LRRTM3: variants seen among roughly 807,000 people sequenced by gnomAD.
The protein encoded by LRRTM3 is leucine rich repeat transmembrane neuronal 3.
A neutral mutation model predicts 44.7 loss-of-function variants in LRRTM3; 24 were observed. That is an observed-to-expected ratio of 0.54 (90% CI 0.39 to 0.76). The LOEUF (loss-of-function observed/expected upper bound fraction) is 0.76, where lower values mean the gene tolerates loss of function less well. Ranked by LOEUF, LRRTM3 falls within the 30% of genes least tolerant of loss-of-function variation. The pLI is 0.00. For synonymous variants in LRRTM3, 277 were observed against 278.7 expected, an observed-to-expected ratio of 0.99 and a Z score of 0.06; for missense variants, 587 against 702.2, an observed-to-expected ratio of 0.84 and a Z score of 1.85.
intron 2 of LRRTM3, among the ~76,000 whole-genome samples, chr10:66,994,278 C>T (rs530383681): frequency 3.9e-5 from 6 of 152,230 alleles, no homozygotes; most frequent in East Asian, 1.9e-4. Context: ...AAGCTTTATA[C>T]GGACATTTAA....
chr10:67,077,281 C>G (rs1856792933), intron 2 of LRRTM3, among the ~76,000 whole-genome samples: 1 of 152,204 alleles, frequency 6.6e-6, no homozygotes, highest in African/African-American at 2.4e-5. Flanking sequence ...CAAACCAGTT[C>G]TTATCACTCT....
chr10:66,996,458 C>CAATA (rs1851347282), intron 2 of LRRTM3, among the ~76,000 whole-genome samples: 2 of 151,898 alleles, frequency 1.3e-5, no homozygotes, highest in African/African-American at 4.8e-5. Context: ...CCAGGCTGGG[C>CAATA]AATATGGTGA....
intron 2 of LRRTM3, among the ~76,000 whole-genome samples, chr10:67,007,787 A>T (rs1268035850): frequency 2.6e-5 from 4 of 152,044 alleles, no homozygotes; most frequent in Non-Finnish European, 1.5e-5. Context: ...AGTTCAAAAA[A>T]TTGTCAAGTA....
At chr10:67,006,830 G>A (rs1027805502) in intron 2 of LRRTM3, among the ~76,000 whole-genome samples, 1 of 151,220 alleles carries the variant, frequency 6.6e-6, no homozygotes, top group Non-Finnish European at 1.5e-5. Context: ...GTCTCACTCT[G>A]TTGCCCAGGC....
intron 2 of LRRTM3, among the ~76,000 whole-genome samples, chr10:66,941,835 A>G (rs567549311): frequency 8.5e-5 from 13 of 152,356 alleles, no homozygotes; most frequent in Admixed American, 6.5e-4. Context: ...AGTTTTTATT[A>G]TATCAGTACA....
At chr10:66,948,568 G>A (rs943446319) in intron 2 of LRRTM3, among the ~76,000 whole-genome samples, 12 of 152,220 alleles carry the variant, frequency 7.9e-5, no homozygotes, top group African/African-American at 2.9e-4. Flanking sequence ...TTATCTAAGA[G>A]TCATTGATTT....
At chr10:66,975,595 A>G (rs1564806404) in intron 2 of LRRTM3, among the ~76,000 whole-genome samples, 1 of 152,174 alleles carries the variant, frequency 6.6e-6, no homozygotes, top group Non-Finnish European at 1.5e-5. Flanking sequence ...CTATGAGTCT[A>G]TGATTGTCAT....
At chr10:67,043,770 T>G (rs1854553787) in intron 2 of LRRTM3, among the ~76,000 whole-genome samples, 1 of 152,182 alleles carries the variant, frequency 6.6e-6, no homozygotes, top group African/African-American at 2.4e-5. Context: ...ACAGTTTCAG[T>G]CAATCTGATT....
chr10:67,011,173 C>CA (rs1178220014), intron 2 of LRRTM3, among the ~76,000 whole-genome samples: 2 of 151,758 alleles, frequency 1.3e-5, no homozygotes, highest in Non-Finnish European at 2.9e-5. Context: ...ACTAAAAATA[C>CA]AAAAAATAAA....
intron 2 of LRRTM3, among the ~76,000 whole-genome samples, chr10:67,000,919 A>G (rs1851647640): frequency 6.6e-6 from 1 of 152,198 alleles, no homozygotes. Flanking sequence ...GGGCTGACTC[A>G]GCAGCTTTCA....
chr10:66,977,589 G>A (rs949882525), intron 2 of LRRTM3, among the ~76,000 whole-genome samples: 1 of 152,120 alleles, frequency 6.6e-6, no homozygotes, highest in Admixed American at 6.5e-5. Flanking sequence ...GAAAGCCAGA[G>A]GTACTTCAGC....
At chr10:67,074,231 C>T (rs894710969) in intron 2 of LRRTM3, among the ~76,000 whole-genome samples, 1 of 151,322 alleles carries the variant, frequency 6.6e-6, no homozygotes, top group African/African-American at 2.4e-5. Flanking sequence ...CGGGGTTTCA[C>T]CATTTGGCCA....
At position 67,083,620 on chromosome 10, in the gene LRRTM3, T is replaced by G. The variant is rs190720276; in HGVS notation, c.1537-13967T>G. 6.6e-5 allele frequency among the ~76,000 whole-genome samples: 10 copies of G among 152,358 alleles called. 1 individual carries two copies. In the South Asian group the frequency reaches 2.1e-3, roughly 32 times the overall value. ...GAATTATTCAGATACTAGACAGTGA[T>G]AGCAGTTTCACAATAAGAACTTGTG... is the stretch of plus-strand genomic sequence containing the variant. On this transcript the variant is annotated intron_variant, in intron 2 of 2. Transcript: ENST00000361320.
chr10:67,084,523 T>C (rs1589716209), intron 2 of LRRTM3, among the ~76,000 whole-genome samples: 1 of 152,052 alleles, frequency 6.6e-6, no homozygotes, highest in East Asian at 1.9e-4. Context: ...CCCTCAGCCA[T>C]GAGAAAAAAT....
At chr10:67,037,835 T>C (rs1029304991) in intron 2 of LRRTM3, among the ~76,000 whole-genome samples, 1 of 152,098 alleles carries the variant, frequency 6.6e-6, no homozygotes, top group Non-Finnish European at 1.5e-5. Context: ...TTGAGATGTA[T>C]TGGTAAATTA....
At chr10:66,951,599 G>T (rs965750108) in intron 2 of LRRTM3, among the ~76,000 whole-genome samples, 1 of 152,176 alleles carries the variant, frequency 6.6e-6, no homozygotes, top group African/African-American at 2.4e-5. Flanking sequence ...GCATGAAATG[G>T]AATTTGAACC....
At chr10:66,937,542 G>C (rs1847777096) in intron 2 of LRRTM3, among the ~76,000 whole-genome samples, 1 of 152,024 alleles carries the variant, frequency 6.6e-6, no homozygotes, top group Non-Finnish European at 1.5e-5. Flanking sequence ...ACAGACTCCT[G>C]GTGGACTTTC....
intron 2 of LRRTM3, among the ~76,000 whole-genome samples, chr10:67,074,436 C>T (rs562275327): frequency 2.1e-3 from 311 of 147,914 alleles, no homozygotes; most frequent in African/African-American, 7.2e-3. Context: ...CTGCAAGCTC[C>T]ACCTCCCGGG....
chr10:67,036,934 A>G (rs939798657), intron 2 of LRRTM3, among the ~76,000 whole-genome samples: 1 of 152,188 alleles, frequency 6.6e-6, no homozygotes, highest in African/African-American at 2.4e-5. Context: ...GTTGTTTTAA[A>G]TAGGAGGAAA....
Sources: gnomAD v4.1 joint callset for allele counts (sites outside exome capture counted in the v4.1 genomes callset) on GRCh38, gnomAD v4.1.1 for gene constraint, MANE v1.5 for transcripts, NCBI Gene and HGNC (gene_info 2026-07-23, HGNC 2026-07-21) for gene names.